The following DPH6 variants were observed in gnomAD, a reference collection of about 807,000 sequenced individuals.
DPH6 encodes diphthamine biosynthesis 6.
Under a neutral mutation model 38.2 loss-of-function variants are expected in DPH6, and 33 were observed. The ratio of observed to expected loss-of-function variants is 0.86; its 90% confidence interval spans 0.65 to 1.15. DPH6 has a LOEUF of 1.15. DPH6 is among the 50% of genes most tolerant of loss of function. The pLI is 0.00. For synonymous variants in DPH6, 108 were observed against 103.0 expected, an observed-to-expected ratio of 1.05 and a Z score of -0.30; for missense variants, 325 against 320.0, an observed-to-expected ratio of 1.02 and a Z score of -0.12.
chr15:35,368,864 G>A (rs755268608), downstream of DPH6, among the ~76,000 whole-genome samples: 7 of 137,914 alleles, frequency 5.1e-5, no homozygotes, highest in Admixed American at 7.1e-5. Context: ...CTAGAGTTAA[G>A]GAGAAAGTAG....
downstream of DPH6, among the ~76,000 whole-genome samples, chr15:35,367,673 A>G (rs1307665425): frequency 6.6e-6 from 1 of 151,838 alleles, no homozygotes; most frequent in Non-Finnish European, 1.5e-5. Context: ...TTTTACATTC[A>G]TATAAATAAT....
intron 3 of DPH6, among the ~76,000 whole-genome samples, chr15:35,462,377 T>C (rs975438731): frequency 6.6e-6 from 1 of 152,166 alleles, no homozygotes; most frequent in African/African-American, 2.4e-5. Flanking sequence ...CCAAGCTCCT[T>C]GCAGATAGCC....
At chr15:35,331,187 T>G (rs561710632) in intron 3 of DPH6, 1 of 152,236 alleles carries the variant, frequency 6.6e-6, no homozygotes, top group East Asian at 1.9e-4. Flanking sequence ...CTGGAAAAAA[T>G]AACATCCTGT....
chr15:35,296,788 C>T (rs948808669), intron 3 of DPH6, among the ~76,000 whole-genome samples: 2 of 151,718 alleles, frequency 1.3e-5, no homozygotes, highest in African/African-American at 4.9e-5. Flanking sequence ...TATTCTCTAA[C>T]CTGATGGCCT....
chr15:35,241,082 C>T lies in DPH6; in HGVS notation n.201-20500G>A, dbSNP rs553934413. Reference sequence around the variant, plus strand: ...TCTGACCACCAGGCCAAGGAATGCCCGCAGCCCAGGATTCCTCCTAAGCCG... The same window carrying T: ...TCTGACCACCAGGCCAAGGAATGCCTGCAGCCCAGGATTCCTCCTAAGCCG... On this transcript the variant is annotated intron_variant and non_coding_transcript_variant, in intron 3 of 3. Transcript: ENST00000560386. Among the ~76,000 whole-genome samples, 631 of 134,942 alleles carry T rather than the reference C, an allele frequency of 4.7e-3. 73 individuals carry two copies. The highest frequency in any genetic ancestry group is 6.6e-3 in the Non-Finnish European group (407 of 61,834). The allele number at this position is 134,942 out of a possible 152,430, so 88.5% of individuals were successfully genotyped here.
intron 3 of DPH6, among the ~76,000 whole-genome samples, chr15:35,242,585 C>T (rs972578721): frequency 3.5e-5 from 5 of 142,998 alleles, no homozygotes; most frequent in African/African-American, 1.3e-4. Flanking sequence ...ATCAGCCAAG[C>T]ATTTTTTCAG....
chr15:35,492,556 A>C (rs772072254), intron 3 of DPH6, among the ~76,000 whole-genome samples: 3 of 152,164 alleles, frequency 2.0e-5, no homozygotes, highest in Non-Finnish European at 2.9e-5. Flanking sequence ...TCCTTTCCCA[A>C]AGGATTATTT....
chr15:35,191,648 T>C, the DPH6 span, among the ~76,000 whole-genome samples: 1 of 152,198 alleles, frequency 6.6e-6, no homozygotes, highest in Non-Finnish European at 1.5e-5. Context: ...ATAAAAATGA[T>C]AGTTACTGTT....
intron 3 of DPH6, among the ~76,000 whole-genome samples, chr15:35,346,946 A>G (rs1483567657): frequency 6.6e-6 from 1 of 152,128 alleles, no homozygotes; most frequent in East Asian, 1.9e-4. Context: ...TAAAAAATGC[A>G]CAATAAAATT....
the DPH6 span, among the ~76,000 whole-genome samples, chr15:35,160,906 C>T: frequency 2.0e-5 from 3 of 151,848 alleles, no homozygotes; most frequent in Admixed American, 1.3e-4. Context: ...AACCAAACAC[C>T]GCATGTTCTC....
chr15:35,235,589 G>A (rs750954517), intron 3 of DPH6, among the ~76,000 whole-genome samples: 29 of 152,332 alleles, frequency 1.9e-4, no homozygotes, highest in Non-Finnish European at 3.7e-4. Flanking sequence ...AATAGAGAGA[G>A]CCTGATTGCA....
At chr15:35,397,761 A>T (rs1461113116) in intron 6 of DPH6, among the ~76,000 whole-genome samples, 6 of 152,048 alleles carry the variant, frequency 3.9e-5, no homozygotes, top group Non-Finnish European at 7.4e-5. Flanking sequence ...AGAATGCTGG[A>T]GGTTTATTCC....
chr15:35,543,165 A>G (rs1279641072), intron 1 of DPH6, among the ~76,000 whole-genome samples: 2 of 147,126 alleles, frequency 1.4e-5, no homozygotes, highest in Non-Finnish European at 3.0e-5. Flanking sequence ...CAGAGATAAA[A>G]AACAAGATGC....
At chr15:35,372,664 C>A (rs73376780) in intron 8 of DPH6, among the ~76,000 whole-genome samples, 3,329 of 152,002 alleles carry the variant, frequency 0.022, 51 homozygotes, top group African/African-American at 0.043. Context: ...TTCTGGAGAA[C>A]TGGCACCTAT....
intron 5 of DPH6, among the ~76,000 whole-genome samples, chr15:35,421,451 T>C (rs1253428071): frequency 6.6e-6 from 1 of 152,212 alleles, no homozygotes; most frequent in Non-Finnish European, 1.5e-5. Flanking sequence ...CAGTTAATGA[T>C]AATAACTGCT....
intron 6 of DPH6, among the ~76,000 whole-genome samples, chr15:35,396,729 T>C (rs1280483205): frequency 2.0e-5 from 3 of 152,190 alleles, no homozygotes; most frequent in Non-Finnish European, 4.4e-5. Flanking sequence ...TTATACAAAG[T>C]TCTATATATC....
chr15:35,539,483 A>G (rs983383836), intron 2 of DPH6, among the ~76,000 whole-genome samples: 3 of 152,022 alleles, frequency 2.0e-5, no homozygotes. Context: ...TGTGGTGTAA[A>G]TCTTCCTAAG....
chr15:35,169,764 T>C, the DPH6 span: 1 of 152,124 alleles, frequency 6.6e-6, no homozygotes, highest in Non-Finnish European at 1.5e-5. Context: ...TTGTTCAGCC[T>C]GCAAAGAAAC....
intron 3 of DPH6, among the ~76,000 whole-genome samples, chr15:35,288,505 G>A (rs983218941): frequency 2.0e-5 from 3 of 152,072 alleles, no homozygotes; most frequent in African/African-American, 7.2e-5. Flanking sequence ...CGTTTACAAT[G>A]ACCCTACTTT....
Sources: allele counts gnomAD v4.1 joint callset (sites outside exome capture counted in the v4.1 genomes callset), GRCh38; gene constraint gnomAD v4.1.1; transcripts MANE v1.5; gene names NCBI Gene and HGNC (gene_info 2026-07-23, HGNC 2026-07-21).